The following MXRA8 variants were observed in gnomAD, a reference collection of about 807,000 sequenced individuals.
MXRA8 encodes matrix remodeling-associated protein 8.
A neutral mutation model predicts 51.4 loss-of-function variants in MXRA8; 44 were observed. The ratio of observed to expected loss-of-function variants is 0.86; its 90% CI spans 0.67 to 1.10. The LOEUF is 1.10. Among genes scored for constraint, MXRA8 ranks in the 50% least tolerant of loss-of-function variants. MXRA8 has a pLI of 0.00. For synonymous variants in MXRA8, 369 were observed against 293.5 expected (o/e 1.26, Z -2.63); for missense variants, 765 against 638.9 (o/e 1.20, Z -2.13).
rs370512454 is a variant in MXRA8, at chr1:1,355,229, G to C, written c.478+15C>G. 6 of 1,540,376 alleles carry C rather than the reference G, an allele frequency of 3.9e-6. No individual in the cohort carries two copies. In the South Asian group the frequency reaches 6.0e-5, roughly 15 times the overall value. Reference sequence around the variant, plus strand: ...TCGAGGGGCGGGAGCTGGGGGGCGGGGGGGAAGCACTCACGGCCGTCGGTG... The same window carrying C: ...TCGAGGGGCGGGAGCTGGGGGGCGGCGGGGAAGCACTCACGGCCGTCGGTG... On this transcript the variant is annotated intron_variant, in intron 4 of 9. Transcript: ENST00000309212.
At chr1:1,363,218 G>A (rs1234741801), upstream of MXRA8, among the ~76,000 whole-genome samples, 1 of 152,290 alleles carries the variant, frequency 6.6e-6, no homozygotes, top group Admixed American at 6.5e-5. Flanking sequence ...GGGAGGCAAA[G>A]GTTGCAGTGA....
upstream of MXRA8, among the ~76,000 whole-genome samples, chr1:1,362,270 G>C (rs1279742209): frequency 6.6e-6 from 1 of 152,208 alleles, no homozygotes; most frequent in Non-Finnish European, 1.5e-5. Context: ...TGCTGAGATG[G>C]GGTGAAGCAT....
At position 1,355,709 on chromosome 1, in the gene MXRA8, C is replaced by G; in HGVS notation, c.117G>C (p.Glu39Asp). 7.5e-7 allele frequency: 1 copy of G among 1,331,968 alleles called. No homozygotes were observed. Among genetic ancestry groups the G allele is most frequent in the Non-Finnish European group, 9.5e-7 (1 of 1,047,386 alleles). 82.5% of individuals were successfully genotyped at this position (1,331,968 alleles called of 1,614,324 possible). The change falls in exon 3 of 10, where the codon GAG (glutamate) becomes GAC (aspartate). Residue 39 changes from glutamate to aspartate, a missense_variant. Glu to Asp is a conservative substitution (Grantham distance 45, BLOSUM62 2). Coordinates refer to ENST00000309212, the MANE Select transcript of MXRA8 (RefSeq NM_032348.4). Reference sequence around the variant, plus strand: ...CGCCCGCCTCCCAGCTCACCGCGGACTCGGACACCACGGAGCTGCCAGCAG... The same window carrying G: ...CGCCCGCCTCCCAGCTCACCGCGGAGTCGGACACCACGGAGCTGCCAGCAG... Reference protein sequence around the residue: ...PAAAGSSVVSESAVSWEAGAR... With the variant: ...PAAAGSSVVSDSAVSWEAGAR...
At chr1:1,359,459 T>C, upstream of MXRA8, 1 of 985,408 alleles carries the variant, frequency 1.0e-6, no homozygotes, top group Non-Finnish European at 1.2e-6. Flanking sequence ...GAAAAAACAA[T>C]CTGAACAACC....
chr1:1,361,193 CAG>C (rs761384052), upstream of MXRA8: 6 of 703,282 alleles, frequency 8.5e-6, no homozygotes, highest in East Asian at 5.4e-5. Context: ...CACACAGAAA[CAG>C]AGACACACAC....
chr1:1,361,125 A>C, upstream of MXRA8: 4 of 697,520 alleles, frequency 5.7e-6, no homozygotes, highest in Non-Finnish European at 1.0e-5. Flanking sequence ...ATGCACATGA[A>C]GACACACGGA....
intron 6 of MXRA8, 51 bp downstream of exon 6, chr1:1,354,303 C>G (rs937232377): frequency 1.1e-5 from 17 of 1,598,358 alleles, no homozygotes; most frequent in Non-Finnish European, 1.4e-5. Flanking sequence ...GGACCACCCT[C>G]CCGCCCACCT....
chr1:1,356,470 G>C (rs1425101932), intron 2 of MXRA8, among the ~76,000 whole-genome samples: 3 of 149,146 alleles, frequency 2.0e-5, no homozygotes, highest in Non-Finnish European at 4.5e-5. Context: ...GTCTGTGGGG[G>C]AGGGCCAGGC....
upstream of MXRA8, among the ~76,000 whole-genome samples, chr1:1,359,959 G>C (rs779012678): frequency 6.6e-6 from 1 of 152,184 alleles, no homozygotes; most frequent in Non-Finnish European, 1.5e-5. Context: ...GTCTGTCTCC[G>C]TCGCACACTC....
chr1:1,355,652 G>A lies in MXRA8; in HGVS notation c.174C>T (p.Arg58=). 7.0e-7 allele frequency: 1 copy of A among 1,434,220 alleles called. No individual in the cohort carries two copies. The highest frequency in any genetic ancestry group is 2.8e-5 in the Admixed American group (1 of 36,340). The allele number at this position is 1,434,220 out of a possible 1,614,324, so 88.8% of individuals were successfully genotyped here. A position where few individuals can be genotyped will look rare whatever the true frequency, so the allele number is the denominator to read the frequency against. The change falls in exon 3 of 10, where the codon CGC becomes CGT. Residue 58 remains arginine, a synonymous_variant. Coordinates refer to ENST00000309212, the MANE Select transcript of MXRA8 (RefSeq NM_032348.4). ...GCAGCCGGTCCTGGGTCCACACCATGCGCGGGCTCTGGCAGCGCAGCACCG... is the reference window on the plus strand; with the variant it reads ...GCAGCCGGTCCTGGGTCCACACCATACGCGGGCTCTGGCAGCGCAGCACCG... ...ARAVLRCQSP[R]MVWTQDRLHD...
Position 1,353,395 on chromosome 1 carries a change from G to C in MXRA8, c.*209C>G. 3 of 1,537,648 alleles carry C rather than the reference G, an allele frequency of 2.0e-6. No individual in the cohort carries two copies. Among genetic ancestry groups the C allele is most frequent in the South Asian group, 1.2e-5 (1 of 83,090 alleles). The stretch of plus-strand genomic sequence containing the variant: ...GCCAGGGGTGGGCAGGGCCACCCGT[G>C]AGCAAAGGCCGCAGGGGTGGGGGCT... On this transcript the variant is annotated 3_prime_UTR_variant, in exon 10 of 10. Coordinates refer to ENST00000309212, the MANE Select transcript of MXRA8 (RefSeq NM_032348.4).
chr1:1,355,838 T>G (rs1459907526), intron 2 of MXRA8, 86 bp from the exon 3 acceptor site: 92 of 122,224 alleles, frequency 7.5e-4, no homozygotes, highest in African/African-American at 1.2e-3. Flanking sequence ...GGCAGGGCCC[T>G]GGTGGGGGAG....
At position 1,358,542 on chromosome 1, in the gene MXRA8, C is replaced by CT. The variant is rs1644178407; in HGVS notation, c.-39dup. The CT allele has an allele frequency of 7.5e-6, 12 of 1,601,244 alleles. No individual in the cohort carries two copies. Among genetic ancestry groups the CT allele is most frequent in the Middle Eastern group, 3.3e-4 (2 of 6,002 alleles). On this transcript the variant is annotated 5_prime_UTR_variant, in exon 1 of 10. Transcript: ENST00000309212. ...GCCCCAGGCTTTGTCCCACTCGGCT[C>CT]TAAGTCTCTCTCCAGAAAAACAGCC... is the stretch of plus-strand genomic sequence containing the variant.
rs1644059406 is a variant in MXRA8, at chr1:1,353,939, AGAG to A, written c.1223-14_1223-12del. The A allele has an allele frequency of 6.2e-7, 1 of 1,608,496 alleles. No individual in the cohort carries two copies. The highest frequency in any genetic ancestry group is 1.3e-5 in the African/African-American group (1 of 74,832). On this transcript the variant is annotated splice_polypyrimidine_tract_variant and intron_variant, in intron 8 of 9. Transcript: ENST00000309212. ...TGTTGTTTTTGTAATCTGTGGGAGG[AGAG>A]GAGGCTGAGGTCCCCGCTCCCAGGA...
At chr1:1,359,002 G>T (rs61766232), upstream of MXRA8, 1 of 985,428 alleles carries the variant, frequency 1.0e-6, no homozygotes, top group Non-Finnish European at 1.2e-6. Context: ...CACGGTGCAC[G>T]CTGGTGCTCT....
chr1:1,355,437 C>T lies in MXRA8; in HGVS notation c.376+13G>A, dbSNP rs1462276969. The T allele has an allele frequency of 1.3e-6, 2 of 1,487,466 alleles. No individual in the cohort carries two copies. The highest frequency in any genetic ancestry group is 1.8e-6 in the Non-Finnish European group (2 of 1,127,880). The allele number at this position is 1,487,466 out of a possible 1,614,324, so 92.1% of individuals were successfully genotyped here. ...TGCCCCGACCCCGCGGCCCCGGTCCCCGGTCCCCGCACCGCGGATGAGCAG... is the reference window on the plus strand; with the variant it reads ...TGCCCCGACCCCGCGGCCCCGGTCCTCGGTCCCCGCACCGCGGATGAGCAG... On this transcript the variant is annotated intron_variant, in intron 3 of 9. Transcript: ENST00000309212.
At position 1,354,025 on chromosome 1, in the gene MXRA8, C is replaced by T. The variant is rs376421819; in HGVS notation, c.1222+5G>A. On this transcript the variant is annotated splice_donor_5th_base_variant and intron_variant, in intron 8 of 9. Coordinates refer to ENST00000309212, the MANE Select transcript of MXRA8 (RefSeq NM_032348.4). ...CTGTGCCCTCGTGTCCCAGCACTGC[C>T]TCACCTAGCTGGATGTCCTCACTCC... The T allele has an allele frequency of 2.5e-6, 4 of 1,612,770 alleles. No individual in the cohort carries two copies. Among genetic ancestry groups the T allele is most frequent in the African/African-American group, 1.3e-5 (1 of 74,954 alleles).
intron 1 of MXRA8, 141 bp downstream of exon 1, chr1:1,358,315 A>C (rs371668604): frequency 7.9e-6 from 7 of 887,716 alleles, no homozygotes; most frequent in African/African-American, 1.7e-5. Flanking sequence ...GGCTCTCCCG[A>C]GCGCCCCCAG....
intron 5 of MXRA8, 56 bp from the exon 6 acceptor site, chr1:1,354,565 AC>A: frequency 6.4e-7 from 1 of 1,573,300 alleles, no homozygotes. Flanking sequence ...CTGCGCCCCG[AC>A]CCGGGCCACG....
Sources: gnomAD v4.1 joint callset for allele counts (sites outside exome capture counted in the v4.1 genomes callset) on GRCh38, gnomAD v4.1.1 for gene constraint, MANE v1.5 for transcripts, NCBI Gene and HGNC (gene_info 2026-07-23, HGNC 2026-07-21) for gene names.